LMF1: variants seen among roughly 807,000 people sequenced by gnomAD.
LMF1 encodes transmembrane protein 112.
A neutral mutation model predicts 60.6 loss-of-function variants in LMF1; 68 were observed. The observed-to-expected ratio is 1.12, with a 90% CI of 0.92 to 1.37. LMF1 has a LOEUF of 1.37. Ranked by LOEUF, LMF1 falls within the 40% of genes most tolerant of loss-of-function variation. The probability of loss-of-function intolerance (pLI) is 0.00; values close to 1 mark genes in which losing one functional copy is unlikely to be tolerated. For synonymous variants in LMF1, 418 were observed against 324.7 expected (o/e 1.29, Z -3.09); for missense variants, 948 against 767.2 (o/e 1.24, Z -2.78).
At chr16:859,121 C>T (rs1175886453) in intron 10 of LMF1, among the ~76,000 whole-genome samples, 113 of 117,836 alleles carry the variant, frequency 9.6e-4, no homozygotes, top group African/African-American at 2.7e-3. Flanking sequence ...TGTCTCGGGA[C>T]GGGTGTGCAC....
chr16:876,418 C>A (rs1293372791), intron 6 of LMF1, among the ~76,000 whole-genome samples: 1 of 152,158 alleles, frequency 6.6e-6, no homozygotes, highest in Non-Finnish European at 1.5e-5. Context: ...TCGGAGCTCA[C>A]AGAATGAGCA....
At chr16:936,768 A>G (rs1055219580) in intron 2 of LMF1, among the ~76,000 whole-genome samples, 6 of 152,228 alleles carry the variant, frequency 3.9e-5, no homozygotes, top group Non-Finnish European at 8.8e-5. Context: ...CGGAGAAAGG[A>G]AAAGGAGCTG....
At chr16:856,948 G>T (rs780241174) in intron 10 of LMF1, among the ~76,000 whole-genome samples, 2 of 152,234 alleles carry the variant, frequency 1.3e-5, no homozygotes, top group African/African-American at 4.8e-5. Context: ...GGACCCCCGT[G>T]TCCTTCCACA....
chr16:972,911 G>A (rs762784414), upstream of LMF1, among the ~76,000 whole-genome samples: 17 of 152,310 alleles, frequency 1.1e-4, no homozygotes, highest in African/African-American at 2.9e-4. Flanking sequence ...GACGCTGACC[G>A]CAGGGGTCCC....
chr16:860,232 G>A (rs369430810), intron 10 of LMF1, among the ~76,000 whole-genome samples: 8 of 151,932 alleles, frequency 5.3e-5, no homozygotes, highest in African/African-American at 1.7e-4. Flanking sequence ...TGGAGCAAAT[G>A]CTTTTAATTT....
chr16:869,435 T>C (rs1390921876), intron 9 of LMF1: 1 of 548,720 alleles, frequency 1.8e-6, no homozygotes, highest in Non-Finnish European at 3.5e-6. Context: ...GGGGATTCCT[T>C]CTTTCCTGTT....
intron 3 of LMF1, among the ~76,000 whole-genome samples, chr16:927,695 G>A (rs187891814): frequency 2.0e-5 from 3 of 152,352 alleles, no homozygotes; most frequent in East Asian, 3.9e-4. Flanking sequence ...CCCGGCGATC[G>A]CTTCCCGCAG....
intron 5 of LMF1, chr16:883,846 T>C (rs1036004575): frequency 6.6e-6 from 1 of 152,246 alleles, no homozygotes; most frequent in Non-Finnish European, 1.5e-5. Flanking sequence ...TGTAGTTTGA[T>C]TGACAAATAA....
At chr16:916,220 T>C (rs1009943039) in intron 3 of LMF1, among the ~76,000 whole-genome samples, 1 of 151,950 alleles carries the variant, frequency 6.6e-6, no homozygotes, top group Non-Finnish European at 1.5e-5. Flanking sequence ...TTAGGGAGAG[T>C]CATTAAATAT....
At chr16:859,889 G>T (rs1336441114) in intron 10 of LMF1, among the ~76,000 whole-genome samples, 29 of 141,048 alleles carry the variant, frequency 2.1e-4, no homozygotes, top group African/African-American at 7.4e-4. Flanking sequence ...GGTGTGAGTG[G>T]TGTCTCGGGA....
chr16:950,427 A>C (rs2072416202), intron 2 of LMF1, among the ~76,000 whole-genome samples: 1 of 140,656 alleles, frequency 7.1e-6, no homozygotes, highest in African/African-American at 2.8e-5. Context: ...AGACAACGAC[A>C]GAGTTAGAGA....
chr16:861,052 A>C (rs944462928), intron 10 of LMF1, among the ~76,000 whole-genome samples: 1 of 151,968 alleles, frequency 6.6e-6, no homozygotes, highest in Admixed American at 6.6e-5. Context: ...AAACCTGTCC[A>C]TCAATCTGGA....
intron 10 of LMF1, among the ~76,000 whole-genome samples, chr16:857,197 T>C (rs985043436): frequency 1.3e-5 from 2 of 152,228 alleles, no homozygotes; most frequent in African/African-American, 4.8e-5. Context: ...TTTGCAGTTT[T>C]TGTCTGTGAC....
chr16:919,853 G>A (rs2071385587), intron 3 of LMF1, among the ~76,000 whole-genome samples: 2 of 152,098 alleles, frequency 1.3e-5, no homozygotes, highest in African/African-American at 4.8e-5. Flanking sequence ...CATCCACAAT[G>A]GGCTCCCCAC....
chr16:916,059 G>A (rs12599413), intron 3 of LMF1, among the ~76,000 whole-genome samples: 1,849 of 152,306 alleles, frequency 0.012, 21 homozygotes, highest in South Asian at 0.096. Context: ...GGAGGGATGA[G>A]GGGCCAGTGG....
At chr16:916,890 G>A (rs952826631) in intron 3 of LMF1, among the ~76,000 whole-genome samples, 38 of 152,254 alleles carry the variant, frequency 2.5e-4, no homozygotes, top group African/African-American at 8.0e-4. Flanking sequence ...GATCCTCTGA[G>A]TGTTGAGCTC....
At chr16:868,202 C>A (rs957313910) in intron 10 of LMF1, among the ~76,000 whole-genome samples, 1 of 152,010 alleles carries the variant, frequency 6.6e-6, no homozygotes, top group African/African-American at 2.4e-5. Context: ...CTCTGCCCCA[C>A]CCTGGGCCCC....
At chr16:978,097 GGA>G (rs148367565) in intron 1 of LMF1, among the ~76,000 whole-genome samples, 67,028 of 126,568 alleles carry the variant, frequency 0.53, 17,697 homozygotes, top group African/African-American at 0.68. Context: ...AAACACACAC[GGA>G]CACACACACA....
chr16:954,203 C>G (rs1285850216), intron 2 of LMF1, 154 bp downstream of exon 2: 3 of 826,990 alleles, frequency 3.6e-6, no homozygotes, highest in Non-Finnish European at 6.0e-6. Context: ...GGTGCACTGG[C>G]CGCTCTGCCA....
Sources: gnomAD v4.1 joint callset for allele counts (sites outside exome capture counted in the v4.1 genomes callset) on GRCh38, gnomAD v4.1.1 for gene constraint, MANE v1.5 for transcripts, NCBI Gene and HGNC (gene_info 2026-07-23, HGNC 2026-07-21) for gene names.